ATP13A4: variants seen among roughly 807,000 people sequenced by gnomAD.
ATP13A4 encodes probable cation-transporting ATPase 13A4.
ATP13A4 carries 114 observed loss-of-function variants against 142.5 expected under a neutral mutation model. That is an observed-to-expected ratio of 0.80 (90% CI 0.69 to 0.93). The LOEUF is 0.93. Among genes scored for constraint, ATP13A4 ranks in the 40% least tolerant of loss-of-function variants. The pLI is 0.00. For synonymous variants in ATP13A4, 488 were observed against 514.8 expected (o/e 0.95, Z 0.70); for missense variants, 1,392 against 1,454.0 (o/e 0.96, Z 0.69).
chr3:193,431,292 G>A (rs1466142502), intron 25 of ATP13A4, among the ~76,000 whole-genome samples: 2 of 142,354 alleles, frequency 1.4e-5, no homozygotes, highest in Admixed American at 1.4e-4. Flanking sequence ...AGATCTGGGG[G>A]AATTAAGAGT....
intron 1 of ATP13A4, among the ~76,000 whole-genome samples, chr3:193,550,645 G>A (rs1723503187): frequency 6.6e-6 from 1 of 152,046 alleles, no homozygotes; most frequent in African/African-American, 2.4e-5. Context: ...AACTCATGAA[G>A]CATATTTACT....
Position 193,457,570 on chromosome 3 carries a change from G to A in ATP13A4, c.1675-105C>T, listed in dbSNP as rs922639649. 8 of 1,009,254 alleles carry A rather than the reference G, an allele frequency of 7.9e-6. No homozygotes were observed. In the Admixed American group the frequency reaches 9.3e-5, roughly 12 times the overall value. The allele number at this position is 1,009,254 out of a possible 1,614,324, so 62.5% of individuals were successfully genotyped here. On this transcript the variant is annotated intron_variant, in intron 14 of 29. Coordinates refer to ENST00000342695, the MANE Select transcript of ATP13A4 (RefSeq NM_032279.4). ...GAGAAGATCCTCAGACCACCTCAAT[G>A]TGTTTTCCGTGTCTCTTCCCTCAGA...
Position 193,467,393 on chromosome 3 carries a change from A to C in ATP13A4, c.1037T>G (p.Val346Gly). The C allele has an allele frequency of 6.2e-7, 1 of 1,614,114 alleles. No homozygotes were observed. Among genetic ancestry groups the C allele is most frequent in the Non-Finnish European group, 8.5e-7 (1 of 1,180,018 alleles). The change falls in exon 10 of 30, where the codon GTC (valine) becomes GGC (glycine). Residue 346 changes from valine to glycine, a missense_variant. Val to Gly is a moderately radical substitution (Grantham distance 109). Transcript: ENST00000342695. ...TQSEADYKRH[V>G]LFCGTEVIQA... is the part of the protein sequence containing the mutation. ...GATAACCTCTGTTCCACAGAAGAGG[A>C]CATGCCGCTTGTAATCCGCTTCACT...
At chr3:193,591,466 C>T (rs1724778011) in intron 1 of ATP13A4, among the ~76,000 whole-genome samples, 2 of 152,228 alleles carry the variant, frequency 1.3e-5, no homozygotes, top group South Asian at 4.1e-4. Context: ...CATGGCAACA[C>T]TATGTATCTA....
At chr3:193,567,171 G>C (rs988652008) in intron 2 of ATP13A4, among the ~76,000 whole-genome samples, 7 of 151,896 alleles carry the variant, frequency 4.6e-5, no homozygotes, top group African/African-American at 1.7e-4. Flanking sequence ...ATTTGAAAAT[G>C]ATAATTAAAT....
rs116560941 is a variant in ATP13A4, at chr3:193,435,344, C to T, written c.2769+304G>A. Reference sequence around the variant, plus strand: ...TGAGTGGTAGACTAGGGTAGAGCCACGTTGCAATTAAGAAGATAAAGACCT... The same window carrying T: ...TGAGTGGTAGACTAGGGTAGAGCCATGTTGCAATTAAGAAGATAAAGACCT... On this transcript the variant is annotated intron_variant, in intron 24 of 29. Transcript: ENST00000342695. Among the ~76,000 whole-genome samples the T allele has an allele frequency of 5.1e-3, 776 of 151,982 alleles. 7 individuals carry two copies. The highest frequency in any genetic ancestry group is 0.018 in the African/African-American group (748 of 41,426).
chr3:193,483,681 G>C (rs1032917435), intron 8 of ATP13A4, among the ~76,000 whole-genome samples: 1 of 152,218 alleles, frequency 6.6e-6, no homozygotes, highest in African/African-American at 2.4e-5. Context: ...AGCCAGGATC[G>C]TCTCGATCTC....
At chr3:193,414,841 T>G in intron 25 of ATP13A4, 91 bp from the exon 26 acceptor site, 1 of 1,287,404 alleles carries the variant, frequency 7.8e-7, no homozygotes, top group South Asian at 1.2e-5. Context: ...CCCATACATT[T>G]GAGGAAATGG....
chr3:193,587,469 A>C (rs907945930), intron 1 of ATP13A4, among the ~76,000 whole-genome samples: 1 of 152,222 alleles, frequency 6.6e-6, no homozygotes, highest in African/African-American at 2.4e-5. Context: ...TAGATAATCT[A>C]GTATAATCTC....
At chr3:193,421,868 A>G (rs1192085574) in intron 25 of ATP13A4, among the ~76,000 whole-genome samples, 2 of 149,974 alleles carry the variant, frequency 1.3e-5, no homozygotes, top group South Asian at 2.1e-4. Flanking sequence ...GATAAAAAGA[A>G]AAAAAGACAG....
chr3:193,570,359 C>T (rs984947632), intron 2 of ATP13A4, among the ~76,000 whole-genome samples: 3 of 152,014 alleles, frequency 2.0e-5, no homozygotes, highest in Non-Finnish European at 2.9e-5. Context: ...ATAATATATG[C>T]CTAAATTGTT....
At chr3:193,419,787 G>T (rs1050121961) in intron 25 of ATP13A4, among the ~76,000 whole-genome samples, 1 of 150,140 alleles carries the variant, frequency 6.7e-6, no homozygotes, top group Non-Finnish European at 1.5e-5. Flanking sequence ...AGTCTGAACT[G>T]CTGAGATACC....
At chr3:193,471,310 C>G (rs181958793) in intron 8 of ATP13A4, among the ~76,000 whole-genome samples, 130 of 152,234 alleles carry the variant, frequency 8.5e-4, no homozygotes, top group African/African-American at 3.1e-3. Context: ...TGCCTGTAAT[C>G]CCAGCACTTT....
Position 193,491,383 on chromosome 3 carries a change from C to T in ATP13A4, c.549G>A (p.Gly183=), listed in dbSNP as rs758949863. The T allele has an allele frequency of 2.4e-5, 38 of 1,595,650 alleles. No individual in the cohort carries two copies. In the East Asian group the frequency reaches 7.8e-4, roughly 33 times the overall value. Residue 183 remains glycine (G), a synonymous_variant, in exon 6 of 30, where the codon GGG becomes GGA. Coordinates refer to ENST00000342695, the MANE Select transcript of ATP13A4 (RefSeq NM_032279.4). The stretch of plus-strand genomic sequence containing the variant: ...TAACTTCAACATCGATAGTATTAGG[C>T]CCACATATTAACCTCCTATAGAAAG... ...EEQEIRRLIC[G]PNTIDVEVTP...
At chr3:193,566,379 G>A (rs1724134618) in intron 2 of ATP13A4, among the ~76,000 whole-genome samples, 2 of 152,098 alleles carry the variant, frequency 1.3e-5, no homozygotes, top group Non-Finnish European at 2.9e-5. Context: ...ATATGTCCAA[G>A]CAGCAGCTGG....
In ATP13A4 at chr3:193,448,340, C is replaced by A; in HGVS notation, c.2028-10G>T. On this transcript the variant is annotated splice_polypyrimidine_tract_variant and intron_variant, in intron 17 of 29. Coordinates refer to ENST00000342695, the MANE Select transcript of ATP13A4 (RefSeq NM_032279.4). ...TGATTCTACCGTCTCCCTGAAAATACATATATAGATGTATTGAACAGAAAT... is the reference window on the plus strand; with the variant it reads ...TGATTCTACCGTCTCCCTGAAAATAAATATATAGATGTATTGAACAGAAAT... 2 of 1,613,498 alleles carry A rather than the reference C, an allele frequency of 1.2e-6. No homozygotes were observed. The highest frequency in any genetic ancestry group is 1.7e-6 in the Non-Finnish European group (2 of 1,179,892).
chr3:193,487,340 A>C (rs1719689504), intron 7 of ATP13A4, among the ~76,000 whole-genome samples: 1 of 152,228 alleles, frequency 6.6e-6, no homozygotes. Context: ...CAGTCAAAGA[A>C]ATGCAAATGG....
Position 193,407,299 on chromosome 3 carries a change from A to T in ATP13A4, c.3378+14T>A. 2 of 1,601,754 alleles carry T rather than the reference A, an allele frequency of 1.2e-6. No homozygotes were observed. The highest frequency in any genetic ancestry group is 1.7e-6 in the Non-Finnish European group (2 of 1,169,440). On this transcript the variant is annotated intron_variant, in intron 29 of 29. Transcript: ENST00000342695. ...ACACACACAAGATCAGCAGCCCAAG[A>T]TCAGCACACTTACCTCGGCCACAAG... is the stretch of plus-strand genomic sequence containing the variant.
intron 1 of ATP13A4, among the ~76,000 whole-genome samples, chr3:193,515,474 GC>G (rs1180488602): frequency 3.3e-5 from 5 of 152,202 alleles, no homozygotes; most frequent in African/African-American, 9.7e-5. Context: ...GTAAATGCCA[GC>G]TTGCCCTTGG....
Sources: allele counts gnomAD v4.1 joint callset (sites outside exome capture counted in the v4.1 genomes callset), GRCh38; gene constraint gnomAD v4.1.1; transcripts MANE v1.5; gene names NCBI Gene and HGNC (gene_info 2026-07-23, HGNC 2026-07-21).